The following RYR2 variants were observed in gnomAD, a reference collection of about 807,000 sequenced individuals.
RYR2 encodes the protein cardiac muscle ryanodine receptor-calcium release channel.
In RYR2, 227 loss-of-function variants were observed where a neutral mutation model predicts 601.1. That is an observed-to-expected ratio of 0.38 (90% confidence interval 0.34 to 0.42). The LOEUF (loss-of-function observed/expected upper bound fraction) is 0.42, where lower values mean the gene tolerates loss of function less well. Among genes scored for constraint, RYR2 ranks in the 10% least tolerant of loss-of-function variants. The pLI is 1.00. For synonymous variants in RYR2, 2,223 were observed against 2,175.1 expected, an observed-to-expected ratio of 1.02 and a Z score of -0.61; for missense variants, 4,646 against 6,156.5, an observed-to-expected ratio of 0.75 and a Z score of 8.21.
At position 237,649,978 on chromosome 1, in the gene RYR2, A is replaced by G. The variant is rs1420202702; in HGVS notation, c.7614A>G (p.Thr2538=). 2 of 1,613,904 alleles carry G rather than the reference A, an allele frequency of 1.2e-6. No individual in the cohort carries two copies. Among genetic ancestry groups the G allele is most frequent in the Non-Finnish European group, 1.7e-6 (2 of 1,179,902 alleles). The change falls in exon 50 of 105, where the codon ACA becomes ACG. Residue 2538 remains threonine, a synonymous_variant. Transcript: ENST00000366574. ...LTRCAPLFAG[T]EHHASLIDSL... ...GATGTGCTCCTCTCTTTGCTGGCAC[A>G]GAGCACCACGCTTCTCTCATTGACT...
chr1:237,570,403 A>G (rs1480810178), intron 29 of RYR2, among the ~76,000 whole-genome samples: 5 of 150,834 alleles, frequency 3.3e-5, no homozygotes, highest in Admixed American at 2.6e-4. Flanking sequence ...CAGTGGCGCA[A>G]TCTCAGCTCA....
intron 4 of RYR2, among the ~76,000 whole-genome samples, chr1:237,358,807 G>C (rs918089447): frequency 1.3e-5 from 2 of 152,074 alleles, no homozygotes; most frequent in African/African-American, 4.8e-5. Flanking sequence ...AGGGATATCA[G>C]GTATCCCTGA....
intron 62 of RYR2, 89 bp from the exon 63 acceptor site, chr1:237,687,366 C>CTTTTTTTTTTTT (rs10679267): frequency 3.5e-5 from 9 of 259,148 alleles, no homozygotes; most frequent in South Asian, 8.3e-5. Flanking sequence ...TTTTCTTCTT[C>CTTTTTTTTTTTT]TTTTTTTTTT....
At chr1:237,118,465 G>T (rs970191254) in intron 1 of RYR2, among the ~76,000 whole-genome samples, 1 of 151,550 alleles carries the variant, frequency 6.6e-6, no homozygotes, top group Non-Finnish European at 1.5e-5. Context: ...AATTTTTCAT[G>T]GTTACTACCT....
At chr1:237,383,276 C>T (rs544122043) in intron 8 of RYR2, among the ~76,000 whole-genome samples, 236 of 152,146 alleles carry the variant, frequency 1.6e-3, no homozygotes, top group Middle Eastern at 6.8e-3. Context: ...GGTGATTTAT[C>T]GTGTCCCTTC....
chr1:237,792,054 A>G (rs1286224419), intron 93 of RYR2, 51 bp from the exon 94 acceptor site: 5 of 1,315,312 alleles, frequency 3.8e-6, no homozygotes, highest in Non-Finnish European at 5.4e-6. Flanking sequence ...TTTGCTTGCA[A>G]TGGTATCTTA....
At chr1:237,283,101 C>G (rs1027181054) in intron 2 of RYR2, among the ~76,000 whole-genome samples, 6 of 152,222 alleles carry the variant, frequency 3.9e-5, no homozygotes, top group African/African-American at 1.4e-4. Context: ...TCTGTTCTCG[C>G]TCTTCCTGGA....
chr1:237,565,157 CTCT>C (rs1671867898), intron 27 of RYR2, among the ~76,000 whole-genome samples: 5 of 52,868 alleles, frequency 9.5e-5, no homozygotes, highest in East Asian at 6.6e-4. Context: ...TTCTTTCTTT[CTCT>C]TTCTTTCTTT....
At chr1:237,325,546 G>A (rs1336596915) in intron 2 of RYR2, among the ~76,000 whole-genome samples, 1 of 151,926 alleles carries the variant, frequency 6.6e-6, no homozygotes, top group Non-Finnish European at 1.5e-5. Flanking sequence ...AATTTAGCCG[G>A]GCGTGGTGGC....
chr1:237,536,130 A>G (rs1668585591), intron 25 of RYR2, among the ~76,000 whole-genome samples: 1 of 152,262 alleles, frequency 6.6e-6, no homozygotes, highest in South Asian at 2.1e-4. Flanking sequence ...GTAATATTGC[A>G]TAGAAAACTC....
chr1:237,382,537 C>T (rs1295258835), intron 8 of RYR2, among the ~76,000 whole-genome samples: 1 of 132,168 alleles, frequency 7.6e-6, no homozygotes, highest in African/African-American at 2.8e-5. Context: ...TCCCCCCACC[C>T]CACAACAGGC....
In RYR2 at chr1:237,627,795, A is replaced by T; in HGVS notation, c.6167-12A>T. The T allele has an allele frequency of 6.3e-7, 1 of 1,581,332 alleles. No homozygotes were observed. Among genetic ancestry groups the T allele is most frequent in the Non-Finnish European group, 8.6e-7 (1 of 1,158,798 alleles). On this transcript the variant is annotated splice_polypyrimidine_tract_variant and intron_variant, in intron 40 of 104. Transcript: ENST00000366574. ...ATTTTTCTTTTAAAAAATATCCATAATGACTTTGCAGCCACTCTGCAGCAG... is the reference window on the plus strand; with the variant it reads ...ATTTTTCTTTTAAAAAATATCCATATTGACTTTGCAGCCACTCTGCAGCAG...
intron 101 of RYR2, among the ~76,000 whole-genome samples, chr1:237,826,990 G>A (rs1212025343): frequency 6.6e-6 from 1 of 152,132 alleles, no homozygotes; most frequent in Non-Finnish European, 1.5e-5. Context: ...GGAGTGTGGT[G>A]TTTTTCTCTC....
chr1:237,409,422 A>AT (rs1317360555), intron 10 of RYR2, among the ~76,000 whole-genome samples: 4 of 152,068 alleles, frequency 2.6e-5, no homozygotes, highest in African/African-American at 7.2e-5. Flanking sequence ...ATGATCAATG[A>AT]TTTTTTTCTT....
chr1:237,482,843 C>T (rs1662266775), intron 17 of RYR2, among the ~76,000 whole-genome samples: 1 of 152,150 alleles, frequency 6.6e-6, no homozygotes, highest in South Asian at 2.1e-4. Context: ...TCCCTTTTCT[C>T]CATACCCTTG....
rs10567644 is a variant in RYR2 at position 237,383,417 on chromosome 1, G to GTTTTTTTTTTT, written c.577-3844_577-3834dup. 2.6e-4 allele frequency among the ~76,000 whole-genome samples: 13 copies of GTTTTTTTTTTT among 50,564 alleles called. 1 individual carries two copies. The highest frequency in any genetic ancestry group is 3.4e-4 in the Non-Finnish European group (9 of 26,514). The allele number at this position is 50,564 out of a possible 152,430, so 33.2% of individuals were successfully genotyped here. ...TTTACATTTTCTTTTCTTTTTTCTT[G>GTTTTTTTTTTT]TTTTTTTTTTTTTTTTTTTTTTTTT... On this transcript the variant is annotated intron_variant, in intron 8 of 104. Transcript: ENST00000366574.
chr1:237,219,387 G>A (rs144789139), intron 1 of RYR2, among the ~76,000 whole-genome samples: 295 of 152,144 alleles, frequency 1.9e-3, no homozygotes, highest in Non-Finnish European at 3.3e-3. Context: ...ATCCCATTCC[G>A]ACGTGTCAAT....
chr1:237,319,668 T>C (rs1339078775), intron 2 of RYR2, among the ~76,000 whole-genome samples: 1 of 152,146 alleles, frequency 6.6e-6, no homozygotes, highest in Non-Finnish European at 1.5e-5. Context: ...CTCAGACACT[T>C]TGAGGAGTAA....
At chr1:237,435,461 A>G (rs1019203791) in intron 12 of RYR2, among the ~76,000 whole-genome samples, 2 of 152,158 alleles carry the variant, frequency 1.3e-5, no homozygotes, top group African/African-American at 4.8e-5. Flanking sequence ...AAAGTTACCC[A>G]TGGAGATGAA....
Sources: gnomAD v4.1 joint callset for allele counts (sites outside exome capture counted in the v4.1 genomes callset) on GRCh38, gnomAD v4.1.1 for gene constraint, MANE v1.5 for transcripts, NCBI Gene and HGNC (gene_info 2026-07-23, HGNC 2026-07-21) for gene names.